Variants in GLCCI1 observed in about 807,000 individuals in gnomAD.
GLCCI1 encodes the protein glucocorticoid-induced transcript 1 protein.
Under a neutral mutation model 52.2 loss-of-function variants are expected in GLCCI1, and 24 were observed. The ratio of observed to expected loss-of-function variants is 0.46; its 90% confidence interval spans 0.33 to 0.65. The LOEUF is 0.65. Ranked by LOEUF, GLCCI1 falls within the 30% of genes least tolerant of loss-of-function variation. GLCCI1 has a pLI of 0.02. For synonymous variants in GLCCI1, 310 were observed against 276.5 expected (o/e 1.12, Z -1.20); for missense variants, 704 against 701.5 (o/e 1.00, Z -0.04).
At chr7:7,994,916 T>C (rs1780910211) in intron 1 of GLCCI1, among the ~76,000 whole-genome samples, 1 of 152,168 alleles carries the variant, frequency 6.6e-6, no homozygotes, top group African/African-American at 2.4e-5. Flanking sequence ...TTTGTCCAGG[T>C]AATGGTTTCA....
intron 1 of GLCCI1, chr7:7,980,747 A>T: frequency 1.5e-6 from 1 of 688,778 alleles, no homozygotes; most frequent in Admixed American, 2.1e-5. Flanking sequence ...AATCTAGATT[A>T]CCTTGATGGT....
rs779525035 is a variant in GLCCI1 at position 7,969,645 on chromosome 7, G to T, written c.295G>T (p.Gly99Cys). The change falls in exon 1 of 8, where the codon GGC (glycine) becomes TGC (cysteine). Residue 99 changes from glycine (G) to cysteine (C), a missense_variant. Gly to Cys is a radical substitution (Grantham distance 159). Transcript: ENST00000223145. The surrounding 1 kb of genome is among the most constrained non-coding windows in gnomAD (Gnocchi z 4.9). ...CTCGCTGGGCAGCCTCCCGGGGCCC[G>T]GCGCGGCCCGCGGCCCCAGCCCGTC... Reference protein sequence around the residue: ...AASLGSLPGPGAARGPSPSSP... With the variant: ...AASLGSLPGPCAARGPSPSSP... 5 of 1,012,896 alleles carry T rather than the reference G, an allele frequency of 4.9e-6. No individual in the cohort carries two copies. Among genetic ancestry groups the T allele is most frequent in the East Asian group, 2.1e-4 (2 of 9,720 alleles). 62.7% of individuals were successfully genotyped at this position (1,012,896 alleles called of 1,614,324 possible). A position where few individuals can be genotyped will look rare whatever the true frequency, so the allele number is the denominator to read the frequency against.
chr7:8,026,798 G>T (rs1255871758), intron 3 of GLCCI1, among the ~76,000 whole-genome samples: 1 of 152,234 alleles, frequency 6.6e-6, no homozygotes, highest in African/African-American at 2.4e-5. Flanking sequence ...AAGCTTTAAA[G>T]AGAGAGACAG....
At chr7:8,043,950 T>C (rs2127955523) in intron 3 of GLCCI1, among the ~76,000 whole-genome samples, 1 of 151,630 alleles carries the variant, frequency 6.6e-6, no homozygotes, top group Non-Finnish European at 1.5e-5. Context: ...ACTAAATTTT[T>C]TTTTTTTTTT....
At chr7:8,030,783 G>A (rs1204233411) in intron 3 of GLCCI1, among the ~76,000 whole-genome samples, 2 of 152,078 alleles carry the variant, frequency 1.3e-5, no homozygotes, top group Admixed American at 1.3e-4. Context: ...CATACGAAAA[G>A]GTGCTCAGCA....
In GLCCI1 at chr7:8,083,732, CCCAG is replaced by C. The variant is rs201767345; in HGVS notation, c.1178-1161_1178-1158del. 2.0e-3 allele frequency among the ~76,000 whole-genome samples: 304 copies of C among 152,194 alleles called. 4 individuals carry two copies. The East Asian group carries it at 0.044, about 22-fold the overall frequency. On this transcript the variant is annotated intron_variant, in intron 6 of 7. Coordinates refer to ENST00000223145, the MANE Select transcript of GLCCI1 (RefSeq NM_138426.4). ...GTTATTATTTTGCAGACAGTGGTTTCCCAGCCAAAGTTATAGCCATGTTCAAATA... is the reference window on the plus strand; with the variant it reads ...GTTATTATTTTGCAGACAGTGGTTTCCCAAAGTTATAGCCATGTTCAAATA...
chr7:8,021,419 A>AT (rs907654132), intron 2 of GLCCI1, among the ~76,000 whole-genome samples: 24 of 150,228 alleles, frequency 1.6e-4, no homozygotes, highest in Admixed American at 3.3e-4. Context: ...TTTAATTATT[A>AT]TTTTTTTTTT....
At chr7:8,022,763 T>A (rs1233016618) in intron 3 of GLCCI1, 194 bp downstream of exon 3, 1 of 270,482 alleles carries the variant, frequency 3.7e-6, no homozygotes, top group Admixed American at 5.3e-5. Flanking sequence ...TCTAGTTTGG[T>A]AGGCTGCATT....
chr7:8,009,893 A>G (rs1781229850), intron 2 of GLCCI1, among the ~76,000 whole-genome samples: 1 of 147,922 alleles, frequency 6.8e-6, no homozygotes, highest in African/African-American at 2.7e-5. Flanking sequence ...TAAAATCAGT[A>G]TCAAAATAGA....
chr7:7,985,116 A>G (rs1188359813), intron 1 of GLCCI1, among the ~76,000 whole-genome samples: 1 of 152,166 alleles, frequency 6.6e-6, no homozygotes, highest in African/African-American at 2.4e-5. Flanking sequence ...TAGACTACAA[A>G]TATGGTTAGT....
intron 6 of GLCCI1, among the ~76,000 whole-genome samples, chr7:8,079,353 T>A (rs1263505303): frequency 6.6e-6 from 1 of 151,844 alleles, no homozygotes; most frequent in Non-Finnish European, 1.5e-5. Context: ...AAAATTAAGA[T>A]TGTATTACAG....
At chr7:7,970,996 A>C (rs1240140432) in intron 1 of GLCCI1, among the ~76,000 whole-genome samples, 1 of 152,054 alleles carries the variant, frequency 6.6e-6, no homozygotes, top group Admixed American at 6.5e-5. Context: ...GGTTGTCTGC[A>C]TTATGATACA....
chr7:8,055,635 C>G (rs1782371912), intron 4 of GLCCI1, 86 bp downstream of exon 4: 1 of 826,982 alleles, frequency 1.2e-6, no homozygotes, highest in South Asian at 1.5e-5. Context: ...TAAAAAAACC[C>G]ATAAATATTT....
At chr7:7,989,296 C>T (rs1393347294) in intron 1 of GLCCI1, among the ~76,000 whole-genome samples, 1 of 152,106 alleles carries the variant, frequency 6.6e-6, no homozygotes, top group Non-Finnish European at 1.5e-5. Flanking sequence ...TCCTCTCTTT[C>T]CTTATCTAAT....
At chr7:8,038,496 T>C (rs1191903753) in intron 3 of GLCCI1, among the ~76,000 whole-genome samples, 1 of 152,140 alleles carries the variant, frequency 6.6e-6, no homozygotes, top group Non-Finnish European at 1.5e-5. Flanking sequence ...ACAAAACATA[T>C]GCTGGGGAAA....
intron 2 of GLCCI1, among the ~76,000 whole-genome samples, chr7:8,017,210 C>T (rs1045687835): frequency 2.6e-5 from 4 of 152,158 alleles, no homozygotes; most frequent in African/African-American, 9.7e-5. Flanking sequence ...TTTATGACTT[C>T]AGTGGGTGTT....
chr7:8,069,006 C>A (rs6950655), intron 5 of GLCCI1, among the ~76,000 whole-genome samples: 24,209 of 152,160 alleles, frequency 0.16, 2,070 homozygotes, highest in East Asian at 0.25. Context: ...TTCTGTATTT[C>A]CTCACTATTG....
At position 8,004,900 on chromosome 7, in the gene GLCCI1, A is replaced by AAG. The variant is rs112350673; in HGVS notation, c.609+850_609+851dup. 2.6e-4 allele frequency among the ~76,000 whole-genome samples: 39 copies of AAG among 152,298 alleles called. 1 individual carries two copies. Among genetic ancestry groups the AAG allele is most frequent in the African/African-American group, 5.8e-4 (24 of 41,574 alleles). Reference sequence around the variant, plus strand: ...AGTTTCATGTCCGAAGACTGAGGAAAAGAGAGAGAGTTTTGGACATGATCT... The same window carrying AAG: ...AGTTTCATGTCCGAAGACTGAGGAAAAGAGAGAGAGAGTTTTGGACATGATCT... On this transcript the variant is annotated intron_variant, in intron 2 of 7. Coordinates refer to ENST00000223145, the MANE Select transcript of GLCCI1 (RefSeq NM_138426.4).
intron 1 of GLCCI1, among the ~76,000 whole-genome samples, chr7:7,996,643 T>C (rs190715201): frequency 1.3e-3 from 199 of 152,350 alleles, no homozygotes; most frequent in Admixed American, 2.3e-3. Context: ...TAGAGAATCA[T>C]GCCCAAATAG....
Sources: gnomAD v4.1 joint callset for allele counts (sites outside exome capture counted in the v4.1 genomes callset) on GRCh38, gnomAD v4.1.1 for gene constraint, Gnocchi (gnomAD v3.1) non-coding constraint, MANE v1.5 for transcripts, NCBI Gene and HGNC (gene_info 2026-07-23, HGNC 2026-07-21) for gene names.